Variants in LRRC1 observed in about 807,000 individuals in gnomAD.
The protein encoded by LRRC1 is leucine rich repeat containing 1.
LRRC1 carries 28 observed loss-of-function variants against 69.9 expected under a neutral mutation model. That is an observed-to-expected ratio of 0.40 (90% CI 0.30 to 0.55). The LOEUF is 0.55. Among genes scored for constraint, LRRC1 ranks in the 20% least tolerant of loss-of-function variants. The probability of loss-of-function intolerance (pLI) is 0.47; values close to 1 mark genes in which losing one functional copy is unlikely to be tolerated. For synonymous variants in LRRC1, 236 were observed against 240.2 expected (o/e 0.98, Z 0.16); for missense variants, 498 against 609.0 (o/e 0.82, Z 1.92).
At chr6:53,845,183 G>T (rs1015132090) in intron 2 of LRRC1, among the ~76,000 whole-genome samples, 1 of 152,178 alleles carries the variant, frequency 6.6e-6, no homozygotes, top group Non-Finnish European at 1.5e-5. Context: ...CAGCCTAGGC[G>T]ACAGAGCAAG....
chr6:53,828,720 C>T (rs1164256617), intron 1 of LRRC1, among the ~76,000 whole-genome samples: 1 of 152,198 alleles, frequency 6.6e-6, no homozygotes, highest in Non-Finnish European at 1.5e-5. Flanking sequence ...TTAATCAGTC[C>T]TGAGACCCTT....
intron 2 of LRRC1, among the ~76,000 whole-genome samples, chr6:53,860,338 A>G (rs937351234): frequency 2.0e-5 from 3 of 152,236 alleles, no homozygotes; most frequent in African/African-American, 7.2e-5. Context: ...GATAATACCA[A>G]TTTCAATGTG....
At chr6:53,826,829 CT>C (rs879840875) in intron 1 of LRRC1, among the ~76,000 whole-genome samples, 234 of 145,366 alleles carry the variant, frequency 1.6e-3, no homozygotes, top group Middle Eastern at 0.011. Context: ...ATAGCTGAGA[CT>C]TTTTTTTTTT....
chr6:53,866,992 G>A (rs1175084081), intron 2 of LRRC1, among the ~76,000 whole-genome samples: 4 of 151,770 alleles, frequency 2.6e-5, no homozygotes, highest in East Asian at 3.9e-4. Flanking sequence ...GGTGGCACGC[G>A]TCTCTTCACC....
chr6:53,885,672 A>C (rs9349686), intron 4 of LRRC1, among the ~76,000 whole-genome samples: 2 of 151,902 alleles, frequency 1.3e-5, no homozygotes, highest in Non-Finnish European at 2.9e-5. Context: ...TGGGAAAGCT[A>C]TGGATGTCTC....
At chr6:53,882,704 G>A (rs1036307349) in intron 3 of LRRC1, among the ~76,000 whole-genome samples, 183 bp from the exon 4 acceptor site, 11 of 152,060 alleles carry the variant, frequency 7.2e-5, no homozygotes, top group Non-Finnish European at 1.6e-4. Flanking sequence ...TGTATACGAA[G>A]TCTTGTTTTT....
At chr6:53,893,619 T>G (rs552375540) in intron 4 of LRRC1, among the ~76,000 whole-genome samples, 1 of 152,266 alleles carries the variant, frequency 6.6e-6, no homozygotes, top group East Asian at 1.9e-4. Flanking sequence ...TTAAGTATAT[T>G]GCAGATACTC....
At chr6:53,861,178 TA>T (rs938038488) in intron 2 of LRRC1, among the ~76,000 whole-genome samples, 18 of 150,398 alleles carry the variant, frequency 1.2e-4, no homozygotes, top group African/African-American at 1.7e-4. Flanking sequence ...AAATAGAAGT[TA>T]AAAAAAAATA....
At chr6:53,840,404 A>AT (rs1765743769) in intron 1 of LRRC1, among the ~76,000 whole-genome samples, 1 of 152,060 alleles carries the variant, frequency 6.6e-6, no homozygotes, top group Admixed American at 6.6e-5. Context: ...CTGTGCCTGG[A>AT]AACTTTTAGA....
intron 2 of LRRC1, among the ~76,000 whole-genome samples, chr6:53,845,650 A>G (rs1765919484): frequency 6.6e-6 from 1 of 152,136 alleles, no homozygotes. Flanking sequence ...TTGATTTTGC[A>G]TTGTTTTGGC....
intron 3 of LRRC1, 46 bp downstream of exon 3, chr6:53,879,117 T>A: frequency 1.5e-6 from 2 of 1,333,766 alleles, no homozygotes; most frequent in Non-Finnish European, 2.1e-6. Context: ...AAGAGTATCT[T>A]TTTTGAGAGC....
intron 2 of LRRC1, among the ~76,000 whole-genome samples, chr6:53,859,347 C>T (rs1167525375): frequency 6.6e-6 from 1 of 152,130 alleles, no homozygotes; most frequent in Non-Finnish European, 1.5e-5. Flanking sequence ...ATTTTTCTAC[C>T]TCCTAAGGAA....
chr6:53,816,263 A>G (rs1415304456), intron 1 of LRRC1, among the ~76,000 whole-genome samples: 1 of 152,052 alleles, frequency 6.6e-6, no homozygotes, highest in East Asian at 1.9e-4. Context: ...TTTCTGTTTC[A>G]TGTATTTCCT....
At chr6:53,903,505 A>T (rs1768130570) in intron 9 of LRRC1, among the ~76,000 whole-genome samples, 1 of 150,136 alleles carries the variant, frequency 6.7e-6, no homozygotes, top group Non-Finnish European at 1.5e-5. Flanking sequence ...TTACTCTCCT[A>T]CTTTTCTCTT....
intron 2 of LRRC1, among the ~76,000 whole-genome samples, chr6:53,875,499 C>T (rs1366517536): frequency 1.3e-5 from 2 of 151,354 alleles, no homozygotes; most frequent in Non-Finnish European, 2.9e-5. Context: ...AAAAAAAAAT[C>T]ACAATAAAAG....
chr6:53,895,943 A>G (rs771821009), intron 4 of LRRC1, among the ~76,000 whole-genome samples: 1 of 152,252 alleles, frequency 6.6e-6, no homozygotes. Context: ...CATTTAAATG[A>G]AAGTTACTTC....
chr6:53,849,080 T>A (rs1041019460), intron 2 of LRRC1, among the ~76,000 whole-genome samples: 1 of 137,526 alleles, frequency 7.3e-6, no homozygotes, highest in African/African-American at 2.7e-5. Context: ...TTTTTTTTTT[T>A]AGTTAGCAGG....
chr6:53,821,465 T>C (rs1280382280), intron 1 of LRRC1, among the ~76,000 whole-genome samples: 1 of 152,238 alleles, frequency 6.6e-6, no homozygotes, highest in Non-Finnish European at 1.5e-5. Flanking sequence ...AAAAGTATCA[T>C]GGGCCATCAG....
Position 53,896,486 on chromosome 6 carries a change from G to C in LRRC1, c.447-12G>C, listed in dbSNP as rs143339068. On this transcript the variant is annotated splice_polypyrimidine_tract_variant and intron_variant, in intron 4 of 13. Coordinates refer to ENST00000370888, the MANE Select transcript of LRRC1 (RefSeq NM_018214.5). The stretch of plus-strand genomic sequence containing the variant: ...TTCTCTTATGCTTTTTTTTCCTTCT[G>C]TTCATTTCTAGTCTTTATAACCTGG... The C allele has an allele frequency of 5.7e-5, 92 of 1,609,750 alleles. No homozygotes were observed. The African/African-American group carries it at 1.2e-3, about 20-fold the overall frequency.
Sources: allele counts gnomAD v4.1 joint callset (sites outside exome capture counted in the v4.1 genomes callset), GRCh38; gene constraint gnomAD v4.1.1; transcripts MANE v1.5; gene names NCBI Gene and HGNC (gene_info 2026-07-23, HGNC 2026-07-21).